DPP10: variants seen among roughly 807,000 people sequenced by gnomAD.
DPP10 encodes the protein inactive dipeptidyl peptidase 10.
In DPP10, 33 loss-of-function variants were observed where a neutral mutation model predicts 120.9. That is an observed-to-expected ratio of 0.27 (90% CI 0.21 to 0.37). The LOEUF is 0.37. Ranked by LOEUF, DPP10 falls within the 10% of genes least tolerant of loss-of-function variation. DPP10 has a pLI of 1.00. For synonymous variants in DPP10, 337 were observed against 326.1 expected, an observed-to-expected ratio of 1.03 and a Z score of -0.36; for missense variants, 816 against 942.8, an observed-to-expected ratio of 0.87 and a Z score of 1.76.
chr2:115,817,518 T>C (rs1687378984), intron 21 of DPP10, among the ~76,000 whole-genome samples: 1 of 152,182 alleles, frequency 6.6e-6, no homozygotes. Flanking sequence ...CTCTCTCCAC[T>C]TCAAACATCT....
chr2:114,912,045 T>G (rs944603470), intron 1 of DPP10, among the ~76,000 whole-genome samples: 4 of 152,102 alleles, frequency 2.6e-5, no homozygotes, highest in African/African-American at 9.7e-5. Context: ...GAAGTTAAAT[T>G]GCAATTGATT....
intron 1 of DPP10, among the ~76,000 whole-genome samples, chr2:115,038,506 T>C (rs1213094840): frequency 6.6e-6 from 1 of 152,102 alleles, no homozygotes; most frequent in Non-Finnish European, 1.5e-5. Context: ...CTCTATCTCC[T>C]GACCTCGTGA....
intron 1 of DPP10, among the ~76,000 whole-genome samples, chr2:114,761,230 G>C (rs1574126619): frequency 6.6e-6 from 1 of 152,034 alleles, no homozygotes; most frequent in East Asian, 1.9e-4. Flanking sequence ...AGCAAGAAAA[G>C]CAAATAAAAA....
intron 1 of DPP10, among the ~76,000 whole-genome samples, chr2:115,257,892 T>G (rs2059076376): frequency 6.6e-6 from 1 of 152,166 alleles, no homozygotes; most frequent in South Asian, 2.1e-4. Context: ...TTCAAAGTTA[T>G]AAAGAGTCCT....
chr2:115,370,384 C>T (rs2065330616), intron 3 of DPP10, among the ~76,000 whole-genome samples: 2 of 152,026 alleles, frequency 1.3e-5, no homozygotes, highest in South Asian at 4.2e-4. Context: ...GAAGAATTGA[C>T]AGCTTGATCT....
chr2:114,807,553 G>A (rs1040142533), intron 1 of DPP10, among the ~76,000 whole-genome samples: 13 of 151,958 alleles, frequency 8.6e-5, no homozygotes, highest in African/African-American at 2.9e-4. Context: ...TGGTTTATAT[G>A]TACTCACAAA....
intron 1 of DPP10, among the ~76,000 whole-genome samples, chr2:114,782,138 G>A (rs186331713): frequency 4.0e-4 from 61 of 151,998 alleles, no homozygotes; most frequent in African/African-American, 1.3e-3. Flanking sequence ...ACAGTTGTGC[G>A]TGTGTGTGCA....
At chr2:115,182,551 G>C (rs751073538) in intron 1 of DPP10, among the ~76,000 whole-genome samples, 2 of 152,072 alleles carry the variant, frequency 1.3e-5, no homozygotes, top group Non-Finnish European at 2.9e-5. Context: ...CCCTCTTTGG[G>C]CATTAACAGT....
intron 17 of DPP10, among the ~76,000 whole-genome samples, chr2:115,785,781 A>G (rs952664558): frequency 3.4e-5 from 5 of 147,976 alleles, no homozygotes; most frequent in African/African-American, 1.2e-4. Flanking sequence ...CGAAGAACCA[A>G]CTTTTGGTTT....
At chr2:114,961,542 A>G (rs1286424736) in intron 1 of DPP10, among the ~76,000 whole-genome samples, 1 of 152,052 alleles carries the variant, frequency 6.6e-6, no homozygotes, top group East Asian at 1.9e-4. Flanking sequence ...ATGAAATGTA[A>G]TTGGAACTTT....
intron 1 of DPP10, among the ~76,000 whole-genome samples, chr2:114,887,966 C>T (rs1334769514): frequency 1.3e-5 from 2 of 151,560 alleles, no homozygotes; most frequent in East Asian, 2.0e-4. Context: ...AGTGAAACCC[C>T]GACCGTCTCT....
chr2:114,785,029 C>A lies in DPP10; in HGVS notation c.60+342191C>A, dbSNP rs533999252. Among the ~76,000 whole-genome samples the A allele has an allele frequency of 4.6e-5, 7 of 152,278 alleles. No homozygotes were observed. The East Asian group carries it at 9.7e-4, about 21-fold the overall frequency. On this transcript the variant is annotated intron_variant, in intron 1 of 25. Coordinates refer to ENST00000410059, the MANE Select transcript of DPP10 (RefSeq NM_020868.6). ...ATTTATTTTGCCTTGCATCCAGTCACCTTGCAGCTGTAATAACTTGTTGGC... is the reference window on the plus strand; with the variant it reads ...ATTTATTTTGCCTTGCATCCAGTCAACTTGCAGCTGTAATAACTTGTTGGC...
chr2:114,742,535 A>C (rs1678165211), intron 1 of DPP10, among the ~76,000 whole-genome samples: 1 of 152,068 alleles, frequency 6.6e-6, no homozygotes, highest in Admixed American at 6.6e-5. Context: ...ATTCACATTC[A>C]TTTTTTATGT....
At chr2:115,517,534 A>T (rs2077567989) in intron 4 of DPP10, among the ~76,000 whole-genome samples, 1 of 152,152 alleles carries the variant, frequency 6.6e-6, no homozygotes. Context: ...GCATATTTGC[A>T]TTTAACCTGT....
At chr2:114,823,049 T>C (rs774225727) in intron 1 of DPP10, among the ~76,000 whole-genome samples, 6 of 152,226 alleles carry the variant, frequency 3.9e-5, no homozygotes, top group Non-Finnish European at 5.9e-5. Flanking sequence ...TTTCCATGTT[T>C]TCAGGTATCT....
intron 1 of DPP10, among the ~76,000 whole-genome samples, chr2:114,499,336 G>A (rs1682950727): frequency 6.6e-6 from 1 of 152,198 alleles, no homozygotes; most frequent in Non-Finnish European, 1.5e-5. Flanking sequence ...GTTAGAATGT[G>A]TAGATGCATT....
chr2:114,882,228 T>C lies in DPP10; in HGVS notation c.61-427011T>C, dbSNP rs115142042. Among the ~76,000 whole-genome samples, 1,293 of 152,194 alleles carry C rather than the reference T, an allele frequency of 8.5e-3. 20 individuals are homozygous for C. The highest frequency in any genetic ancestry group is 0.03 in the African/African-American group (1,238 of 41,528). On this transcript the variant is annotated intron_variant, in intron 1 of 25. Transcript: ENST00000410059. ...ACACATATGCTTATAGAAGCACAAT[T>C]AGCATTTGCAAAAATATGGAACCAA...
At chr2:114,625,826 A>G (rs532928678) in intron 1 of DPP10, among the ~76,000 whole-genome samples, 1 of 151,928 alleles carries the variant, frequency 6.6e-6, no homozygotes, top group Non-Finnish European at 1.5e-5. Flanking sequence ...CTCATGTCAT[A>G]TATTTCCTTC....
chr2:114,633,325 C>A (rs777259987), intron 1 of DPP10, among the ~76,000 whole-genome samples: 1 of 130,620 alleles, frequency 7.7e-6, no homozygotes, highest in Non-Finnish European at 1.5e-5. Flanking sequence ...GATCTCGGTT[C>A]ACTGCAACCT....
Sources: gnomAD v4.1 joint callset for allele counts (sites outside exome capture counted in the v4.1 genomes callset) on GRCh38, gnomAD v4.1.1 for gene constraint, MANE v1.5 for transcripts, NCBI Gene and HGNC (gene_info 2026-07-23, HGNC 2026-07-21) for gene names.